KLHL5: variants seen among roughly 807,000 people sequenced by gnomAD.
The protein encoded by KLHL5 is kelch like family member 5.
KLHL5 carries 48 observed loss-of-function variants against 77.7 expected under a neutral mutation model. That is an observed-to-expected ratio of 0.62 (90% CI 0.49 to 0.79). KLHL5 has a LOEUF of 0.79. Ranked by LOEUF, KLHL5 falls within the 30% of genes least tolerant of loss-of-function variation. KLHL5 has a pLI of 0.00. For missense variants in KLHL5, 723 were observed against 859.7 expected, an observed-to-expected ratio of 0.84 and a Z score of 1.99; for synonymous variants, 260 against 297.0, an observed-to-expected ratio of 0.88 and a Z score of 1.28.
At chr4:39,127,777 G>A (rs928214113), downstream of KLHL5, among the ~76,000 whole-genome samples, 18 of 152,148 alleles carry the variant, frequency 1.2e-4, no homozygotes, top group African/African-American at 3.9e-4. Context: ...CGCAAATTTT[G>A]TGGAAGGAAA....
the KLHL5 span, among the ~76,000 whole-genome samples, chr4:39,140,337 G>A: frequency 6.6e-6 from 1 of 152,164 alleles, no homozygotes; most frequent in Non-Finnish European, 1.5e-5. Context: ...GAATGGCTCT[G>A]TGAATTAGAT....
intron 1 of KLHL5, among the ~76,000 whole-genome samples, chr4:39,046,050 T>C (rs1385297906): frequency 1.4e-5 from 2 of 145,622 alleles, no homozygotes; most frequent in Admixed American, 7.0e-5. Flanking sequence ...TTTTTTTTTT[T>C]CTGGTTTTCA....
chr4:39,049,902 T>A (rs1716505116), intron 1 of KLHL5, among the ~76,000 whole-genome samples: 1 of 151,724 alleles, frequency 6.6e-6, no homozygotes. Flanking sequence ...TGAAACCACA[T>A]CTCTACTAAA....
At position 39,103,519 on chromosome 4, in the gene KLHL5, C is replaced by T; in HGVS notation, c.1525+8C>T. The T allele has an allele frequency of 1.2e-6, 2 of 1,603,532 alleles. No homozygotes were observed. The highest frequency in any genetic ancestry group is 1.7e-6 in the Non-Finnish European group (2 of 1,170,476). On this transcript the variant is annotated splice_region_variant and intron_variant, in intron 7 of 10. Transcript: ENST00000504108. ...CACATAGACATGGCCTTGGTAAGTACAACTATGCAGATTCACTCAAAATAT... is the reference window on the plus strand; with the variant it reads ...CACATAGACATGGCCTTGGTAAGTATAACTATGCAGATTCACTCAAAATAT...
At position 39,081,061 on chromosome 4, in the gene KLHL5, C is replaced by A; in HGVS notation, c.567-42C>A. The A allele has an allele frequency of 1.3e-6, 2 of 1,567,742 alleles. No individual in the cohort carries two copies. The highest frequency in any genetic ancestry group is 1.9e-5 in the Admixed American group (1 of 52,952). ...CAGCATTTATTAATGAACATCAACT[C>A]GAATGTGGTCATTGATTTTTTTTTT... is the stretch of plus-strand genomic sequence containing the variant. On this transcript the variant is annotated intron_variant, in intron 2 of 10. Coordinates refer to ENST00000504108, the MANE Select transcript of KLHL5 (RefSeq NM_015990.5). The surrounding 1 kb of genome is among the most constrained non-coding windows in gnomAD (Gnocchi z 4.3).
Position 39,122,298 on chromosome 4 carries a change from T to C in KLHL5, c.*1232T>C, listed in dbSNP as rs1723253931. On this transcript the variant is annotated 3_prime_UTR_variant, in exon 11 of 11. Transcript: ENST00000504108. ...TTTGCTAATATTGTTTATTGTGAAC[T>C]AGGAATCAAAGTTTTTGTATGCATC... 1 of 152,238 alleles carries C rather than the reference T, an allele frequency of 6.6e-6. No homozygotes were observed. The highest frequency in any genetic ancestry group is 1.5e-5 in the Non-Finnish European group (1 of 68,040). The allele number at this position is 152,238 out of a possible 1,614,324, so 9.4% of individuals were successfully genotyped here. A position where few individuals can be genotyped will look rare whatever the true frequency, so the allele number is the denominator to read the frequency against.
rs1046794157 is a variant in KLHL5 at position 39,122,978 on chromosome 4, T to C, written c.*1912T>C. Among the ~76,000 whole-genome samples, 2 of 152,166 alleles carry C rather than the reference T, an allele frequency of 1.3e-5. No individual in the cohort carries two copies. Among genetic ancestry groups the C allele is most frequent in the South Asian group, 2.1e-4 (1 of 4,828 alleles). On this transcript the variant is annotated 3_prime_UTR_variant, in exon 11 of 11. Coordinates refer to ENST00000504108, the MANE Select transcript of KLHL5 (RefSeq NM_015990.5). ...GGAAGACTTTTGTTTAAATCTCTTA[T>C]GGAATTTTACATGTTTTGATTTAGA...
At chr4:39,086,477 A>AG in intron 4 of KLHL5, 38 bp from the exon 5 acceptor site, 1 of 1,510,092 alleles carries the variant, frequency 6.6e-7, no homozygotes, top group Non-Finnish European at 9.2e-7. Context: ...GAAGGTCAGA[A>AG]GGAACAATAT....
chr4:39,116,185 T>G, intron 10 of KLHL5: 1 of 239,414 alleles, frequency 4.2e-6, no homozygotes, highest in Non-Finnish European at 6.8e-6. Flanking sequence ...ACAAAAAAAT[T>G]AGCCGGGCAT....
At chr4:39,133,779 C>G in the KLHL5 span, 4 of 152,266 alleles carry the variant, frequency 2.6e-5, no homozygotes, top group African/African-American at 9.6e-5. Context: ...CAGGTCAACT[C>G]TGTCTGCTAT....
intron 1 of KLHL5, among the ~76,000 whole-genome samples, chr4:39,056,365 T>C (rs1041403472): frequency 1.3e-5 from 2 of 152,172 alleles, no homozygotes; most frequent in African/African-American, 4.8e-5. Flanking sequence ...CCCTCAGGGG[T>C]GCTGGGATTA....
chr4:39,112,147 GTGTTCAAA>G (rs1235340438), intron 8 of KLHL5, among the ~76,000 whole-genome samples: 1 of 152,118 alleles, frequency 6.6e-6, no homozygotes, highest in Non-Finnish European at 1.5e-5. Context: ...AAGAAATATT[GTGTTCAAA>G]TATTTAAAAT....
chr4:39,113,267 A>T, intron 9 of KLHL5, 35 bp downstream of exon 9: 1 of 1,526,504 alleles, frequency 6.6e-7, no homozygotes, highest in Non-Finnish European at 9.1e-7. Flanking sequence ...GGAACAAAAA[A>T]GATATATATA....
intron 1 of KLHL5, among the ~76,000 whole-genome samples, chr4:39,054,629 G>T (rs916031901): frequency 1.3e-5 from 2 of 152,202 alleles, no homozygotes; most frequent in Non-Finnish European, 2.9e-5. Context: ...TATACAGCTA[G>T]CTGGTGAGTG....
chr4:39,132,016 G>A, the KLHL5 span, among the ~76,000 whole-genome samples: 7 of 152,092 alleles, frequency 4.6e-5, no homozygotes, highest in South Asian at 1.2e-3. Context: ...CGGTTCTGTC[G>A]ACCTCCCAGG....
chr4:39,110,510 G>A (rs1353891012), intron 8 of KLHL5, among the ~76,000 whole-genome samples: 1 of 152,082 alleles, frequency 6.6e-6, no homozygotes, highest in Non-Finnish European at 1.5e-5. Context: ...CCAGGCTGGA[G>A]TGCAGTGACA....
chr4:39,059,315 G>A (rs2711947), upstream of KLHL5, among the ~76,000 whole-genome samples: 107,967 of 151,834 alleles, frequency 0.71, 38,786 homozygotes, highest in East Asian at 0.82. Context: ...AAAAAAAGGG[G>A]CCTAAATAGC....
In KLHL5 at chr4:39,121,104, C is replaced by T. The variant is rs1723184191; in HGVS notation, c.*38C>T. On this transcript the variant is annotated 3_prime_UTR_variant, in exon 11 of 11. Coordinates refer to ENST00000504108, the MANE Select transcript of KLHL5 (RefSeq NM_015990.5). The stretch of plus-strand genomic sequence containing the variant: ...TTTTCTACATGAAGACACCGTCTTC[C>T]TTTATTAATTTAGTATAATTATTCT... 6 of 1,403,236 alleles carry T rather than the reference C, an allele frequency of 4.3e-6. No individual in the cohort carries two copies. The highest frequency in any genetic ancestry group is 6.1e-6 in the Non-Finnish European group (6 of 988,064). 86.9% of individuals were successfully genotyped at this position (1,403,236 alleles called of 1,614,324 possible).
chr4:39,084,073 G>A (rs763744242), intron 4 of KLHL5, among the ~76,000 whole-genome samples: 2 of 152,164 alleles, frequency 1.3e-5, no homozygotes, highest in Non-Finnish European at 2.9e-5. Flanking sequence ...AAATCCCTCC[G>A]TAATTTCAGT....
Sources: allele counts gnomAD v4.1 joint callset (sites outside exome capture counted in the v4.1 genomes callset), GRCh38; gene constraint gnomAD v4.1.1; non-coding constraint Gnocchi (gnomAD v3.1); transcripts MANE v1.5; gene names NCBI Gene and HGNC (gene_info 2026-07-23, HGNC 2026-07-21).